Variants in PTPRZ1 observed in about 807,000 individuals in gnomAD.
PTPRZ1 encodes the protein receptor-type tyrosine-protein phosphatase zeta.
In PTPRZ1, 82 loss-of-function variants were observed where a neutral mutation model predicts 214.1. The observed-to-expected ratio is 0.38, with a 90% CI of 0.32 to 0.46. PTPRZ1 has a LOEUF of 0.46. Among genes scored for constraint, PTPRZ1 ranks in the 20% least tolerant of loss-of-function variants. PTPRZ1 has a pLI of 1.00. For missense variants in PTPRZ1, 2,603 were observed against 2,748.7 expected (o/e 0.95, Z 1.19); for synonymous variants, 945 against 987.9 (o/e 0.96, Z 0.81).
intron 2 of PTPRZ1, among the ~76,000 whole-genome samples, chr7:121,928,606 A>C (rs1041381909): frequency 2.6e-5 from 4 of 152,224 alleles, no homozygotes; most frequent in African/African-American, 9.6e-5. Flanking sequence ...GAAAGCTCTC[A>C]ACAAATGTTA....
chr7:121,933,731 G>A (rs1175926651), intron 2 of PTPRZ1, among the ~76,000 whole-genome samples: 1 of 152,066 alleles, frequency 6.6e-6, no homozygotes, highest in African/African-American at 2.4e-5. Flanking sequence ...TTGGTGTTTG[G>A]CTTTTATTTT....
At chr7:121,954,110 C>T (rs1796637614) in intron 2 of PTPRZ1, among the ~76,000 whole-genome samples, 1 of 152,112 alleles carries the variant, frequency 6.6e-6, no homozygotes, top group African/African-American at 2.4e-5. Flanking sequence ...TTATCTCTGC[C>T]CTAGTTTAGA....
intron 10 of PTPRZ1, among the ~76,000 whole-genome samples, chr7:122,003,709 C>T (rs890960349): frequency 6.6e-6 from 1 of 152,160 alleles, no homozygotes; most frequent in African/African-American, 2.4e-5. Flanking sequence ...GCTCAAACCT[C>T]ACAGTTACTT....
rs1385904011 is a variant in PTPRZ1, at chr7:122,061,133, G to T, written c.6861G>T (p.Gln2287His). ...TCCTCAGCCTTGTGAGCACAAGGCA[G>T]GAAGAGAATCCATCCACCTCTCTGG... ...KVILSLVSTR[Q>H]EENPSTSLDS... The change falls in exon 30 of 30, where the codon CAG (glutamine) becomes CAT (histidine). Residue 2287 changes from glutamine (Q) to histidine (H), a missense_variant. This residue lies in a region of PTPRZ1 where 165 missense variants were observed against 151.4 expected (regional missense o/e 1.09). Transcript: ENST00000393386. 1 of 1,609,932 alleles carries T rather than the reference G, an allele frequency of 6.2e-7. No individual in the cohort carries two copies.
chr7:122,057,502 T>G (rs1792391654), intron 27 of PTPRZ1, among the ~76,000 whole-genome samples: 1 of 151,826 alleles, frequency 6.6e-6, no homozygotes. Context: ...TTCATGATTT[T>G]TGCCCATTTT....
At chr7:121,901,658 A>G (rs936076484) in intron 1 of PTPRZ1, among the ~76,000 whole-genome samples, 5 of 152,180 alleles carry the variant, frequency 3.3e-5, no homozygotes, top group African/African-American at 1.2e-4. Context: ...GAGTTATTTC[A>G]TAAACGCCTA....
intron 2 of PTPRZ1, among the ~76,000 whole-genome samples, chr7:121,953,926 T>C (rs1796633014): frequency 6.6e-6 from 1 of 152,172 alleles, no homozygotes. Flanking sequence ...ATGCTGTGGC[T>C]TTTGGCTGGT....
At chr7:121,973,464 G>A (rs939119074) in intron 4 of PTPRZ1, among the ~76,000 whole-genome samples, 4 of 151,970 alleles carry the variant, frequency 2.6e-5, no homozygotes, top group African/African-American at 9.7e-5. Flanking sequence ...TGAATCAAAT[G>A]GACTAGGTTT....
At chr7:122,025,505 A>G (rs1045227651) in intron 13 of PTPRZ1, among the ~76,000 whole-genome samples, 8 of 151,452 alleles carry the variant, frequency 5.3e-5, no homozygotes, top group Admixed American at 3.9e-4. Flanking sequence ...AATTTTTTGT[A>G]TTTTTAGTAG....
rs546306650 is a variant in PTPRZ1 at position 122,046,843 on chromosome 7, T to C, written c.6084+2275T>C. 4.6e-5 allele frequency among the ~76,000 whole-genome samples: 7 copies of C among 152,212 alleles called. No homozygotes were observed. In the East Asian group the frequency reaches 9.6e-4, roughly 21 times the overall value. ...ATAAGAGAGGTCTGGCCTGAAGAAA[T>C]GGATTTGGGAGTGATCAGCGTAGAG... is the stretch of plus-strand genomic sequence containing the variant. On this transcript the variant is annotated intron_variant, in intron 23 of 29. Transcript: ENST00000393386.
At position 122,005,191 on chromosome 7, in the gene PTPRZ1, C is replaced by T. The variant is rs142179740; in HGVS notation, c.1287+531C>T. 4.1e-3 allele frequency among the ~76,000 whole-genome samples: 620 copies of T among 151,878 alleles called. 10 individuals are homozygous for T. The highest frequency in any genetic ancestry group is 0.031 in the Admixed American group (472 of 15,226). Reference sequence around the variant, plus strand: ...GTGCTGACAACAGGCACTTATACTACGAGTAGTCTATACTTTTTAAAGATA... The same window carrying T: ...GTGCTGACAACAGGCACTTATACTATGAGTAGTCTATACTTTTTAAAGATA... On this transcript the variant is annotated intron_variant, in intron 11 of 29. Coordinates refer to ENST00000393386, the MANE Select transcript of PTPRZ1 (RefSeq NM_002851.3).
At chr7:121,974,644 T>C (rs1025991897) in intron 4 of PTPRZ1, among the ~76,000 whole-genome samples, 1 of 152,112 alleles carries the variant, frequency 6.6e-6, no homozygotes, top group Non-Finnish European at 1.5e-5. Context: ...CATGCCACCA[T>C]GCCCAGCTAA....
At chr7:121,949,030 A>G (rs924355959) in intron 2 of PTPRZ1, among the ~76,000 whole-genome samples, 1 of 152,182 alleles carries the variant, frequency 6.6e-6, no homozygotes, top group Non-Finnish European at 1.5e-5. Flanking sequence ...CAAGGTGGTC[A>G]GAGCACAGTC....
intron 2 of PTPRZ1, among the ~76,000 whole-genome samples, chr7:121,954,096 C>T (rs1295987637): frequency 3.3e-5 from 5 of 152,294 alleles, no homozygotes; most frequent in Non-Finnish European, 5.9e-5. Flanking sequence ...ATCTATCTTT[C>T]TTCTTATCTC....
At chr7:121,877,985 A>T (rs914745709) in intron 1 of PTPRZ1, among the ~76,000 whole-genome samples, 4 of 150,736 alleles carry the variant, frequency 2.7e-5, no homozygotes, top group Non-Finnish European at 4.4e-5. Context: ...TATATATATA[A>T]AATATATACA....
chr7:121,925,344 C>G (rs2116360657), intron 1 of PTPRZ1, among the ~76,000 whole-genome samples: 1 of 152,134 alleles, frequency 6.6e-6, no homozygotes, highest in Admixed American at 6.5e-5. Context: ...ATGGAACAAC[C>G]ATATTTGAAA....
chr7:121,880,099 G>C (rs956936964), intron 1 of PTPRZ1, among the ~76,000 whole-genome samples: 2 of 152,166 alleles, frequency 1.3e-5, no homozygotes, highest in Non-Finnish European at 2.9e-5. Flanking sequence ...TGAGTTGGCA[G>C]ATGTTTTTGC....
rs758483764 is a variant in PTPRZ1 at position 121,930,851 on chromosome 7, G to C, written c.124+2630G>C. On this transcript the variant is annotated intron_variant, in intron 2 of 29. Coordinates refer to ENST00000393386, the MANE Select transcript of PTPRZ1 (RefSeq NM_002851.3). ...CTAGTATTTTATAAAAATCATGACT[G>C]TTTTTTAATGCCCCTAATAATTATG... Among the ~76,000 whole-genome samples, 5 of 152,210 alleles carry C rather than the reference G, an allele frequency of 3.3e-5. No homozygotes were observed. In the South Asian group the frequency reaches 6.2e-4, roughly 19 times the overall value.
intron 1 of PTPRZ1, among the ~76,000 whole-genome samples, chr7:121,917,521 C>T (rs988064498): frequency 1.2e-4 from 18 of 151,998 alleles, no homozygotes; most frequent in Non-Finnish European, 2.1e-4. Context: ...GCATTTAAAA[C>T]GAAATTGCTT....
Sources: gnomAD v4.1 joint callset for allele counts (sites outside exome capture counted in the v4.1 genomes callset) on GRCh38, gnomAD v4.1.1 for gene constraint, gnomAD v4.1.1 regional missense constraint, MANE v1.5 for transcripts, NCBI Gene and HGNC (gene_info 2026-07-23, HGNC 2026-07-21) for gene names.